The following MACROD2 variants were observed in gnomAD, a reference collection of about 807,000 sequenced individuals.
MACROD2 encodes mono-ADP ribosylhydrolase 2, also known as ADP-ribose glycohydrolase MACROD2.
MACROD2 carries 36 observed loss-of-function variants against 70.4 expected under a neutral mutation model. The observed-to-expected ratio is 0.51, with a 90% confidence interval of 0.39 to 0.68. MACROD2 has a LOEUF of 0.68. Among genes scored for constraint, MACROD2 ranks in the 30% least tolerant of loss-of-function variants. The pLI is 0.00. For synonymous variants in MACROD2, 172 were observed against 178.8 expected (o/e 0.96, Z 0.30); for missense variants, 496 against 538.4 (o/e 0.92, Z 0.78).
At chr20:14,585,633 A>C (rs865881705) in intron 4 of MACROD2, among the ~76,000 whole-genome samples, 1 of 152,170 alleles carries the variant, frequency 6.6e-6, no homozygotes, top group Non-Finnish European at 1.5e-5. Flanking sequence ...CCAATAATCA[A>C]TAAGTGGGAC....
chr20:14,277,685 G>A (rs1480719990), intron 3 of MACROD2, among the ~76,000 whole-genome samples: 3 of 151,776 alleles, frequency 2.0e-5, no homozygotes, highest in Admixed American at 2.0e-4. Context: ...TTAGTGCCAG[G>A]CATTGTACTC....
intron 4 of MACROD2, among the ~76,000 whole-genome samples, chr20:14,658,577 C>T (rs1249889612): frequency 1.3e-5 from 2 of 152,052 alleles, no homozygotes; most frequent in African/African-American, 4.8e-5. Context: ...AGGAAGTTAC[C>T]TATGGCTAAT....
At chr20:15,832,908 A>C (rs773043213) in intron 8 of MACROD2, among the ~76,000 whole-genome samples, 1 of 152,230 alleles carries the variant, frequency 6.6e-6, no homozygotes, top group Non-Finnish European at 1.5e-5. Context: ...TATAGTCATC[A>C]ATTCTGATGG....
chr20:14,671,775 C>A (rs544008314), intron 4 of MACROD2, among the ~76,000 whole-genome samples: 2 of 152,276 alleles, frequency 1.3e-5, no homozygotes, highest in East Asian at 3.9e-4. Flanking sequence ...AATAAATTAA[C>A]CAAATTCCTC....
intron 4 of MACROD2, among the ~76,000 whole-genome samples, chr20:14,649,979 G>A (rs1195802882): frequency 6.6e-6 from 1 of 152,154 alleles, no homozygotes; most frequent in Non-Finnish European, 1.5e-5. Context: ...GAAGATTAAA[G>A]CCCTTAGTTG....
chr20:14,280,229 AG>A (rs1490972080), intron 3 of MACROD2, among the ~76,000 whole-genome samples: 2 of 152,162 alleles, frequency 1.3e-5, no homozygotes, highest in Non-Finnish European at 2.9e-5. Flanking sequence ...TCAGAAATCA[AG>A]AAGTACATAT....
chr20:15,836,127 C>T (rs4814404), intron 8 of MACROD2, among the ~76,000 whole-genome samples: 7,755 of 152,278 alleles, frequency 0.051, 336 homozygotes, highest in East Asian at 0.2. Context: ...GGTTACAACT[C>T]AGTCTTTTGC....
At chr20:15,366,175 G>A (rs186921967) in intron 6 of MACROD2, among the ~76,000 whole-genome samples, 5 of 152,252 alleles carry the variant, frequency 3.3e-5, no homozygotes, top group Admixed American at 2.6e-4. Context: ...TCCAGCTTGG[G>A]CCAACTGTGT....
intron 4 of MACROD2, among the ~76,000 whole-genome samples, chr20:14,500,355 C>T (rs570330081): frequency 6.6e-6 from 1 of 152,198 alleles, no homozygotes; most frequent in African/African-American, 2.4e-5. Flanking sequence ...AGCTCCTCCC[C>T]GCTTTACTTT....
In MACROD2 at chr20:14,843,401, A is replaced by G. The variant is rs148100692; in HGVS notation, c.418+158442A>G. The stretch of plus-strand genomic sequence containing the variant: ...GCATATAATTGATGAATAAAAATAC[A>G]TATCTTGGGATATGCTCAAAATACA... On this transcript the variant is annotated intron_variant, in intron 5 of 17. Transcript: ENST00000684519. 1.4e-4 allele frequency among the ~76,000 whole-genome samples: 21 copies of G among 152,114 alleles called. No individual in the cohort carries two copies. The East Asian group carries it at 1.9e-3, about 14-fold the overall frequency.
intron 5 of MACROD2, among the ~76,000 whole-genome samples, chr20:15,223,256 C>T (rs140775978): frequency 1.3e-5 from 2 of 152,318 alleles, no homozygotes; most frequent in African/African-American, 2.4e-5. Context: ...ATGTACAAAT[C>T]GCATTGCTGT....
At chr20:14,767,608 G>T (rs1049450150) in intron 5 of MACROD2, among the ~76,000 whole-genome samples, 2 of 151,744 alleles carry the variant, frequency 1.3e-5, no homozygotes, top group Admixed American at 6.6e-5. Context: ...TTAAATTGGG[G>T]TAACCATACT....
At chr20:14,301,019 C>T (rs1555778475) in intron 3 of MACROD2, among the ~76,000 whole-genome samples, 28 of 152,176 alleles carry the variant, frequency 1.8e-4, no homozygotes. Flanking sequence ...TGTTACAAGA[C>T]TTTTTACCTA....
intron 7 of MACROD2, among the ~76,000 whole-genome samples, chr20:15,461,453 A>G (rs908232341): frequency 2.1e-4 from 32 of 152,136 alleles, no homozygotes; most frequent in Non-Finnish European, 1.0e-4. Flanking sequence ...TGTCCTCTCC[A>G]GGAAGGCAAG....
At chr20:14,585,255 T>C (rs1343247628) in intron 4 of MACROD2, among the ~76,000 whole-genome samples, 1 of 152,144 alleles carries the variant, frequency 6.6e-6, no homozygotes, top group Non-Finnish European at 1.5e-5. Context: ...TAAAAACATA[T>C]TGTTTTTTAC....
At chr20:14,031,279 A>G (rs1303602344) in intron 2 of MACROD2, among the ~76,000 whole-genome samples, 2 of 152,170 alleles carry the variant, frequency 1.3e-5, no homozygotes, top group African/African-American at 4.8e-5. Flanking sequence ...CTGACATGCT[A>G]TATGAAGTAC....
chr20:14,447,478 G>A (rs150992149), intron 3 of MACROD2, among the ~76,000 whole-genome samples: 102 of 152,200 alleles, frequency 6.7e-4, no homozygotes, highest in African/African-American at 2.3e-3. Context: ...GCAAGGGAGG[G>A]AAGTATGTGT....
chr20:14,285,086 CTCTT>C (rs1414250206), intron 3 of MACROD2, among the ~76,000 whole-genome samples: 1 of 152,152 alleles, frequency 6.6e-6, no homozygotes, highest in Non-Finnish European at 1.5e-5. Context: ...AGTTGGCACA[CTCTT>C]TCCCCCTCAG....
At chr20:15,041,715 A>T (rs2075358109) in intron 5 of MACROD2, among the ~76,000 whole-genome samples, 1 of 152,176 alleles carries the variant, frequency 6.6e-6, no homozygotes. Flanking sequence ...AAGTGCTGGG[A>T]TTACAGGTGT....
Sources: gnomAD v4.1 joint callset for allele counts (sites outside exome capture counted in the v4.1 genomes callset) on GRCh38, gnomAD v4.1.1 for gene constraint, MANE v1.5 for transcripts, NCBI Gene and HGNC (gene_info 2026-07-23, HGNC 2026-07-21) for gene names.